The following TGFBI variants were observed in gnomAD, a reference collection of about 807,000 sequenced individuals.
TGFBI encodes the protein transforming growth factor-beta-induced protein ig-h3.
A neutral mutation model predicts 73.7 loss-of-function variants in TGFBI; 50 were observed. The observed-to-expected ratio is 0.68, with a 90% confidence interval of 0.54 to 0.86. The LOEUF is 0.86. TGFBI is among the 40% of genes least tolerant of loss of function. The probability of loss-of-function intolerance (pLI) is 0.00; values close to 1 mark genes in which losing one functional copy is unlikely to be tolerated. For missense variants in TGFBI, 839 were observed against 877.0 expected, an observed-to-expected ratio of 0.96 and a Z score of 0.55; for synonymous variants, 362 against 360.5, an observed-to-expected ratio of 1.00 and a Z score of -0.05.
intron 7 of TGFBI, among the ~76,000 whole-genome samples, chr5:136,051,011 C>A (rs191607925): frequency 6.6e-6 from 1 of 152,176 alleles, no homozygotes; most frequent in Non-Finnish European, 1.5e-5. Context: ...CAGAGATACT[C>A]ACAGCACAAA....
In TGFBI at chr5:136,062,131, C is replaced by T. The variant is rs538860391; in HGVS notation, c.1987-532C>T. 3.3e-5 allele frequency among the ~76,000 whole-genome samples: 5 copies of T among 152,254 alleles called. No homozygotes were observed. The East Asian group carries it at 9.7e-4, about 30-fold the overall frequency. ...TCTTTCTGAGCTTCCTTTCCTGCTC[C>T]CCAGCTTGCCCAGTGCTCAGTGCCC... is the stretch of plus-strand genomic sequence containing the variant. On this transcript the variant is annotated intron_variant, in intron 15 of 16. Coordinates refer to ENST00000442011, the MANE Select transcript of TGFBI (RefSeq NM_000358.3).
Position 136,059,155 on chromosome 5 carries a change from G to A in TGFBI, c.1744G>A (p.Gly582Ser), listed in dbSNP as rs763862790. ...HIGDEILVSGGIGALVRLKSL... is the reference protein window; with the variant it reads ...HIGDEILVSGSIGALVRLKSL... ...TGGTGATGAAATCCTGGTTAGCGGA[G>A]GCATCGGGGCCCTGGTGCGGCTAAA... Residue 582 changes from glycine (G) to serine (S), a missense_variant, in exon 13 of 17, where the codon GGC becomes AGC. Physicochemically the swap from Gly to Ser is moderately conservative, Grantham distance 56. Transcript: ENST00000442011. The A allele has an allele frequency of 5.4e-5, 87 of 1,611,084 alleles. No homozygotes were observed. Among genetic ancestry groups the A allele is most frequent in the Non-Finnish European group, 6.2e-5 (73 of 1,178,986 alleles).
At chr5:136,052,040 G>A (rs956150177) in intron 7 of TGFBI, among the ~76,000 whole-genome samples, 5 of 152,178 alleles carry the variant, frequency 3.3e-5, no homozygotes, top group African/African-American at 7.2e-5. Flanking sequence ...TTGGTGAGCA[G>A]CAGTCCAGGC....
intron 1 of TGFBI, 120 bp from the exon 2 acceptor site, chr5:136,033,643 A>G (rs1304208948): frequency 1.3e-6 from 1 of 773,608 alleles, no homozygotes; most frequent in Non-Finnish European, 2.2e-6. Context: ...CAAGACTGAA[A>G]TGACTCTCTC....
In TGFBI at chr5:136,047,284, T is replaced by C. The variant is rs1262591058; in HGVS notation, c.635T>C (p.Val212Ala). 6.2e-7 allele frequency: 1 copy of C among 1,613,812 alleles called. No homozygotes were observed. Among genetic ancestry groups the C allele is most frequent in the Admixed American group, 1.7e-5 (1 of 60,004 alleles). The change falls in exon 6 of 17, where the codon GTG (valine) becomes GCG (alanine). Residue 212 changes from valine (V) to alanine (A), a missense_variant. Val to Ala is a moderately conservative substitution (Grantham distance 64, BLOSUM62 0). Coordinates refer to ENST00000442011, the MANE Select transcript of TGFBI (RefSeq NM_000358.3). ...TGCTTCTCTGGGCAGATTGTAACTG[T>C]GAACTGTGCCCGGCTGCTGAAAGCC... ...IHHYPNGIVT[V>A]NCARLLKADH... is the part of the protein sequence containing the mutation.
chr5:136,035,147 T>C lies in TGFBI; in HGVS notation c.233+1286T>C, dbSNP rs187823235. On this transcript the variant is annotated intron_variant, in intron 2 of 16. Transcript: ENST00000442011. Reference sequence around the variant, plus strand: ...TGGGAGCCTGTCCAGGGCAGGTCCATGGCAGCTTGCTCCATGCCTGATTGA... The same window carrying C: ...TGGGAGCCTGTCCAGGGCAGGTCCACGGCAGCTTGCTCCATGCCTGATTGA... 1.4e-4 allele frequency among the ~76,000 whole-genome samples: 22 copies of C among 152,298 alleles called. No individual in the cohort carries two copies. The East Asian group carries it at 3.9e-3, about 27-fold the overall frequency.
intron 15 of TGFBI, among the ~76,000 whole-genome samples, chr5:136,062,097 C>G (rs1031106031): frequency 2.6e-5 from 4 of 152,060 alleles, no homozygotes; most frequent in Admixed American, 6.5e-5. Context: ...CTCTCAAACC[C>G]TCTCTGGCTC....
chr5:136,057,503 G>A (rs1406417574), intron 12 of TGFBI, among the ~76,000 whole-genome samples: 1 of 152,068 alleles, frequency 6.6e-6, no homozygotes, highest in South Asian at 2.1e-4. Flanking sequence ...TGTGTTGGGA[G>A]GATTAAATAG....
Position 136,030,759 on chromosome 5 carries a change from A to G in TGFBI, c.134+1570A>G, listed in dbSNP as rs375408041. Among the ~76,000 whole-genome samples the G allele has an allele frequency of 7.8e-4, 119 of 152,120 alleles. 1 individual carries two copies. The highest frequency in any genetic ancestry group is 2.7e-3 in the African/African-American group (113 of 41,486). On this transcript the variant is annotated intron_variant, in intron 1 of 16. Transcript: ENST00000442011. ...AATTGTGTTATGTTTGGGTGCCTCA[A>G]TTTGCCTAGGAGGGTTCTATTTCTT... is the stretch of plus-strand genomic sequence containing the variant.
intron 10 of TGFBI, 165 bp downstream of exon 10, chr5:136,055,026 CAGA>C (rs1751603073): frequency 3.6e-6 from 3 of 838,402 alleles, no homozygotes; most frequent in East Asian, 2.5e-5. Flanking sequence ...TGAGATCCTG[CAGA>C]AGGATTGGAA....
intron 2 of TGFBI, among the ~76,000 whole-genome samples, chr5:136,039,535 C>T (rs1287283514): frequency 6.6e-6 from 1 of 152,196 alleles, no homozygotes; most frequent in Non-Finnish European, 1.5e-5. Context: ...GCCTTTGTCT[C>T]AGGGTCATCA....
rs1230503405 is a variant in TGFBI at position 136,033,555 on chromosome 5, G to T, written c.135-208G>T. On this transcript the variant is annotated intron_variant, in intron 1 of 16. Coordinates refer to ENST00000442011, the MANE Select transcript of TGFBI (RefSeq NM_000358.3). ...TGTAAGAGAGATTTTAACAATTTTT[G>T]CAGGGGAAGCTTTCATGGGGGCTGA... is the stretch of plus-strand genomic sequence containing the variant. 5.9e-5 allele frequency among the ~76,000 whole-genome samples: 9 copies of T among 152,254 alleles called. No homozygotes were observed. The East Asian group carries it at 1.4e-3, about 23-fold the overall frequency.
intron 10 of TGFBI, 136 bp from the exon 11 acceptor site, chr5:136,055,544 C>T: frequency 1.3e-6 from 1 of 743,908 alleles, no homozygotes; most frequent in Non-Finnish European, 1.9e-6. Flanking sequence ...CATTTTATCC[C>T]AGCCTTAATA....
At chr5:136,060,967 C>A in intron 14 of TGFBI, 31 bp downstream of exon 14, 1 of 1,480,286 alleles carries the variant, frequency 6.8e-7, no homozygotes, top group Non-Finnish European at 9.1e-7. Flanking sequence ...GACTCTGCAG[C>A]CAGTCCTTTT....
At chr5:136,040,180 A>C (rs1195284294) in intron 2 of TGFBI, among the ~76,000 whole-genome samples, 3 of 152,222 alleles carry the variant, frequency 2.0e-5, no homozygotes, top group Non-Finnish European at 2.9e-5. Flanking sequence ...TTGAGTAAAA[A>C]TGTTAGAAGG....
chr5:136,032,810 C>G (rs1288449982), intron 1 of TGFBI, among the ~76,000 whole-genome samples: 1 of 152,106 alleles, frequency 6.6e-6, no homozygotes, highest in East Asian at 1.9e-4. Context: ...ATGAAGCTTT[C>G]ACAATCACCT....
intron 2 of TGFBI, among the ~76,000 whole-genome samples, chr5:136,037,923 C>G (rs191055581): frequency 6.6e-6 from 1 of 152,084 alleles, no homozygotes; most frequent in African/African-American, 2.4e-5. Context: ...TGTCGTTTTC[C>G]TCCCTTATAT....
intron 7 of TGFBI, among the ~76,000 whole-genome samples, chr5:136,050,608 G>T (rs755655351): frequency 3.9e-5 from 6 of 152,142 alleles, no homozygotes; most frequent in Non-Finnish European, 7.3e-5. Flanking sequence ...TGCAGGGTAC[G>T]CCCCAGGTCT....
At chr5:136,047,666 G>GC in intron 6 of TGFBI, 1 of 512,830 alleles carries the variant, frequency 1.9e-6, no homozygotes, top group Non-Finnish European at 3.5e-6. Flanking sequence ...AAGGTCAGTG[G>GC]TGTGTGGCTG....
Sources: gnomAD v4.1 joint callset for allele counts (sites outside exome capture counted in the v4.1 genomes callset) on GRCh38, gnomAD v4.1.1 for gene constraint, MANE v1.5 for transcripts, NCBI Gene and HGNC (gene_info 2026-07-23, HGNC 2026-07-21) for gene names.